SHLD2: variants seen among roughly 807,000 people sequenced by gnomAD.
The protein encoded by SHLD2 is RINN1-REV7-interacting novel NHEJ regulator 2.
A neutral mutation model predicts 73.2 loss-of-function variants in SHLD2; 30 were observed. That is an observed-to-expected ratio of 0.41 (90% CI 0.31 to 0.56). The LOEUF (loss-of-function observed/expected upper bound fraction) is 0.56. SHLD2 is among the 20% of genes least tolerant of loss of function. The probability of loss-of-function intolerance (pLI) is 0.28; values close to 1 mark genes in which losing one functional copy is unlikely to be tolerated. For synonymous variants in SHLD2, 285 were observed against 370.1 expected (o/e 0.77, Z 2.64); for missense variants, 745 against 1,055.9 (o/e 0.71, Z 4.08).
chr10:87,142,736 C>G (rs1226716822), intron 2 of SHLD2, among the ~76,000 whole-genome samples: 1 of 150,274 alleles, frequency 6.7e-6, no homozygotes, highest in African/African-American at 2.5e-5. Flanking sequence ...AAAGGAATGT[C>G]AAGGCGTAAG....
intron 1 of SHLD2, among the ~76,000 whole-genome samples, chr10:87,095,770 C>A (rs758537625): frequency 1.3e-5 from 2 of 152,208 alleles, no homozygotes; most frequent in Non-Finnish European, 2.9e-5. Flanking sequence ...TTCACCTTTG[C>A]AGACAGAGGC....
chr10:87,157,347 C>T (rs1169750052), intron 3 of SHLD2, among the ~76,000 whole-genome samples: 1 of 152,020 alleles, frequency 6.6e-6, no homozygotes, highest in East Asian at 1.9e-4. Flanking sequence ...ATGTTTATAC[C>T]TCTGACACTG....
intron 2 of SHLD2, among the ~76,000 whole-genome samples, chr10:87,117,147 A>C (rs888625467): frequency 6.6e-6 from 1 of 152,154 alleles, no homozygotes; most frequent in African/African-American, 2.4e-5. Flanking sequence ...CGGCCGGGCA[A>C]GGTGGCTCAT....
chr10:87,126,106 C>T (rs1215870670), intron 2 of SHLD2, among the ~76,000 whole-genome samples: 1 of 152,082 alleles, frequency 6.6e-6, no homozygotes, highest in African/African-American at 2.4e-5. Context: ...TTTGAGGCAG[C>T]CTTACTTTGT....
rs1243049715 is a variant in SHLD2, at chr10:87,190,726, G to A, written c.*43G>A. ...GCAGGCATTTCAAGGAAGAAGTACTGAAATGATTTGTCTTTTGAAATAAAT... is the reference window on the plus strand; with the variant it reads ...GCAGGCATTTCAAGGAAGAAGTACTAAAATGATTTGTCTTTTGAAATAAAT... On this transcript the variant is annotated 3_prime_UTR_variant, in exon 10 of 10. Transcript: ENST00000298786. The A allele has an allele frequency of 6.1e-6, 9 of 1,476,772 alleles. No homozygotes were observed. Among genetic ancestry groups the A allele is most frequent in the South Asian group, 1.1e-5 (1 of 87,832 alleles). 91.5% of individuals were successfully genotyped at this position (1,476,772 alleles called of 1,614,324 possible).
rs1388850422 is a variant in SHLD2 at position 87,175,925 on chromosome 10, G to T, written c.2000G>T (p.Cys667Phe). 3 of 1,550,146 alleles carry T rather than the reference G, an allele frequency of 1.9e-6. No individual in the cohort carries two copies. The highest frequency in any genetic ancestry group is 1.7e-6 in the Non-Finnish European group (2 of 1,146,830). Reference sequence around the variant, plus strand: ...GAATTTAAATATCTTTTTGTTCAGTGCAATTACACACTAGAAAACCTAGAA... The same window carrying T: ...GAATTTAAATATCTTTTTGTTCAGTTCAATTACACACTAGAAAACCTAGAA... ...IWEFKYLFVQ[C>F]NYTLENLELH... Residue 667 changes from cysteine to phenylalanine, a missense_variant, in exon 7 of 10, where the codon TGC becomes TTC. Coordinates refer to ENST00000298786, the MANE Select transcript of SHLD2 (RefSeq NM_001330112.2).
At chr10:87,159,931 A>T (rs1846688130) in intron 4 of SHLD2, among the ~76,000 whole-genome samples, 1 of 152,226 alleles carries the variant, frequency 6.6e-6, no homozygotes, top group Non-Finnish European at 1.5e-5. Context: ...ACAGGTTTAA[A>T]ATTAAGAGGC....
At chr10:87,182,521 G>A (rs2134716399) in intron 8 of SHLD2, among the ~76,000 whole-genome samples, 1 of 152,324 alleles carries the variant, frequency 6.6e-6, no homozygotes, top group East Asian at 1.9e-4. Flanking sequence ...AAATTAACAT[G>A]TAGATAGCAT....
chr10:87,127,539 A>T (rs4934302), intron 2 of SHLD2, among the ~76,000 whole-genome samples: 6 of 36,098 alleles, frequency 1.7e-4, no homozygotes, highest in Admixed American at 6.3e-4. Context: ...GCCCCCCCCC[A>T]CCCCGTCTGC....
At chr10:87,170,744 A>G (rs1218918636) in intron 5 of SHLD2, 72 bp downstream of exon 5, 13 of 1,526,146 alleles carry the variant, frequency 8.5e-6, no homozygotes, top group African/African-American at 5.6e-5. Context: ...TTAGTGTACC[A>G]TTTGGTTATC....
intron 2 of SHLD2, among the ~76,000 whole-genome samples, chr10:87,144,909 C>G (rs1412419852): frequency 1.5e-5 from 2 of 136,682 alleles, no homozygotes; most frequent in South Asian, 4.7e-4. Flanking sequence ...TGATTACAGG[C>G]GTGAGCCACT....
chr10:87,131,183 ATT>A (rs200807445), intron 2 of SHLD2, among the ~76,000 whole-genome samples: 1 of 150,420 alleles, frequency 6.6e-6, no homozygotes, highest in Non-Finnish European at 1.5e-5. Context: ...CTTATTTCTA[ATT>A]TTTTTTTTGT....
At position 87,152,146 on chromosome 10, in the gene SHLD2, T is replaced by C; in HGVS notation, c.792T>C (p.Pro264=). 1 of 1,611,524 alleles carries C rather than the reference T, an allele frequency of 6.2e-7. No homozygotes were observed. Among genetic ancestry groups the C allele is most frequent in the African/African-American group, 1.3e-5 (1 of 74,858 alleles). The change falls in exon 3 of 10, where the codon CCT becomes CCC. Residue 264 remains proline (P), a synonymous_variant. Coordinates refer to ENST00000298786, the MANE Select transcript of SHLD2 (RefSeq NM_001330112.2). ...AAAAGAAAGATAAAAGGCGGAGTCC[T>C]GTAAATAAAGGGAATGTAAACATGG... ...LAQKKDKRRS[P]VNKGNVNMET...
chr10:87,180,342 T>A (rs749182943), intron 8 of SHLD2, 39 bp downstream of exon 8: 2 of 1,586,980 alleles, frequency 1.3e-6, no homozygotes, highest in Non-Finnish European at 1.7e-6. Flanking sequence ...GGAAAATAAT[T>A]ATTATAGATC....
chr10:87,190,225 A>AT (rs1314801153), intron 9 of SHLD2, among the ~76,000 whole-genome samples: 4 of 152,058 alleles, frequency 2.6e-5, no homozygotes, highest in African/African-American at 7.2e-5. Context: ...CTCCCGGCTA[A>AT]TTTTTGTATT....
intron 4 of SHLD2, among the ~76,000 whole-genome samples, chr10:87,162,696 T>C (rs1482456791): frequency 1.3e-5 from 2 of 151,982 alleles, no homozygotes; most frequent in Non-Finnish European, 2.9e-5. Context: ...GAAAAAGAGA[T>C]GAACAGTCAG....
chr10:87,109,550 C>G (rs774099271), intron 2 of SHLD2, among the ~76,000 whole-genome samples: 1 of 152,178 alleles, frequency 6.6e-6, no homozygotes, highest in Non-Finnish European at 1.5e-5. Flanking sequence ...CCACCCTCCC[C>G]GGCCTCCCAG....
At chr10:87,176,241 C>G (rs1405495441) in intron 7 of SHLD2, 146 bp downstream of exon 7, 1 of 1,240,450 alleles carries the variant, frequency 8.1e-7, no homozygotes, top group African/African-American at 1.5e-5. Context: ...CCCCGTTCAG[C>G]CTTTCGCGTA....
intron 2 of SHLD2, among the ~76,000 whole-genome samples, chr10:87,121,965 A>T (rs1488645371): frequency 6.6e-6 from 1 of 151,718 alleles, no homozygotes; most frequent in African/African-American, 2.4e-5. Flanking sequence ...GGGTTTCGCC[A>T]TGTTGGCCAG....
Sources: gnomAD v4.1 joint callset for allele counts (sites outside exome capture counted in the v4.1 genomes callset) on GRCh38, gnomAD v4.1.1 for gene constraint, MANE v1.5 for transcripts, NCBI Gene and HGNC (gene_info 2026-07-23, HGNC 2026-07-21) for gene names.